RAD23B: variants seen among roughly 807,000 people sequenced by gnomAD.
RAD23B encodes the protein lysine-specific demethylase RAD23B.
A neutral mutation model predicts 49.1 loss-of-function variants in RAD23B; 5 were observed. That is an observed-to-expected ratio of 0.10 (90% CI 0.05 to 0.21). The LOEUF (loss-of-function observed/expected upper bound fraction) is 0.21. Among genes scored for constraint, RAD23B ranks in the 10% least tolerant of loss-of-function variants. The pLI, the probability that RAD23B is intolerant of heterozygous loss-of-function variation, is 1.00. For missense variants in RAD23B, 356 were observed against 486.7 expected, an observed-to-expected ratio of 0.73 and a Z score of 2.53; for synonymous variants, 184 against 165.4, an observed-to-expected ratio of 1.11 and a Z score of -0.86.
intron 1 of RAD23B, among the ~76,000 whole-genome samples, chr9:107,298,295 C>T (rs1035547435): frequency 2.0e-5 from 3 of 151,792 alleles, no homozygotes; most frequent in South Asian, 2.1e-4. Flanking sequence ...TAACTTTTGT[C>T]GATATGCTTA....
chr9:107,329,488 T>C, intron 9 of RAD23B, 55 bp from the exon 10 acceptor site: 1 of 1,123,138 alleles, frequency 8.9e-7, no homozygotes, highest in Non-Finnish European at 1.3e-6. Flanking sequence ...GTAAATAAAA[T>C]TAAATGTGCC....
chr9:107,319,390 A>G (rs1182803582), intron 6 of RAD23B, among the ~76,000 whole-genome samples: 2 of 152,062 alleles, frequency 1.3e-5, no homozygotes, highest in Non-Finnish European at 2.9e-5. Context: ...TCAGCCTCCC[A>G]AAGTGCTGGG....
chr9:107,292,162 TATTC>T (rs142330969), intron 1 of RAD23B, among the ~76,000 whole-genome samples: 11,088 of 152,290 alleles, frequency 0.073, 574 homozygotes, highest in South Asian at 0.13. Flanking sequence ...TAGTTATAAA[TATTC>T]ATTTATATTG....
intron 6 of RAD23B, among the ~76,000 whole-genome samples, chr9:107,320,979 T>C (rs1827098882): frequency 6.6e-6 from 1 of 152,214 alleles, no homozygotes; most frequent in South Asian, 2.1e-4. Flanking sequence ...ATTGTAATAC[T>C]TGGTTCTTTA....
intron 3 of RAD23B, among the ~76,000 whole-genome samples, chr9:107,305,609 C>A (rs1344993219): frequency 6.6e-6 from 1 of 152,070 alleles, no homozygotes; most frequent in Non-Finnish European, 1.5e-5. Context: ...ATTTCCAGTT[C>A]AGAAAGTGCT....
chr9:107,313,605 A>ATT (rs368714241), intron 5 of RAD23B, among the ~76,000 whole-genome samples: 2 of 152,330 alleles, frequency 1.3e-5, no homozygotes, highest in African/African-American at 4.8e-5. Flanking sequence ...CAAAGTTTAA[A>ATT]TTATGGGAAT....
In RAD23B at chr9:107,311,727, G is replaced by T. The variant is rs779086806; in HGVS notation, c.543G>T (p.Thr181=). 3 of 1,568,764 alleles carry T rather than the reference G, an allele frequency of 1.9e-6. No individual in the cohort carries two copies. The highest frequency in any genetic ancestry group is 2.4e-5 in the East Asian group (1 of 42,536). Residue 181 remains threonine (T), a synonymous_variant, in exon 5 of 10, where the codon ACG becomes ACT. Coordinates refer to ENST00000358015, the MANE Select transcript of RAD23B (RefSeq NM_002874.5). Reference sequence around the variant, plus strand: ...GGTCAAACCTTTTTGAAGATGCAACGAGTGCACTTGGTAAGTATCTGCTTT... The same window carrying T: ...GGTCAAACCTTTTTGAAGATGCAACTAGTGCACTTGGTAAGTATCTGCTTT... ...SSRSNLFEDA[T]SALVTGQSYE...
At chr9:107,291,683 A>G (rs943668044) in intron 1 of RAD23B, among the ~76,000 whole-genome samples, 3 of 152,228 alleles carry the variant, frequency 2.0e-5, no homozygotes, top group Non-Finnish European at 4.4e-5. Flanking sequence ...TCCCCAGGAA[A>G]TACTCTGGTG....
chr9:107,286,643 A>T (rs776431349), intron 1 of RAD23B, among the ~76,000 whole-genome samples: 1 of 152,214 alleles, frequency 6.6e-6, no homozygotes, highest in Non-Finnish European at 1.5e-5. Flanking sequence ...TAGGGAGACC[A>T]TTGCTAGGAG....
chr9:107,315,911 T>C (rs1327199478), intron 5 of RAD23B, among the ~76,000 whole-genome samples: 1 of 152,184 alleles, frequency 6.6e-6, no homozygotes, highest in Non-Finnish European at 1.5e-5. Flanking sequence ...ATAATTTAAC[T>C]AGGAAACATG....
intron 6 of RAD23B, among the ~76,000 whole-genome samples, chr9:107,320,387 C>T (rs571022110): frequency 1.3e-5 from 2 of 152,180 alleles, no homozygotes; most frequent in South Asian, 4.2e-4. Context: ...ATAAGTTCAA[C>T]AGTATCAGTT....
At chr9:107,284,616 C>A (rs962319915) in intron 1 of RAD23B, 1 of 615,952 alleles carries the variant, frequency 1.6e-6, no homozygotes, top group Non-Finnish European at 2.2e-6. Context: ...GAGGTCAGTA[C>A]AACTTTATGC....
At position 107,318,721 on chromosome 9, in the gene RAD23B, C is replaced by T; in HGVS notation, c.554-31C>T. On this transcript the variant is annotated intron_variant, in intron 5 of 9. Coordinates refer to ENST00000358015, the MANE Select transcript of RAD23B (RefSeq NM_002874.5). The surrounding 1 kb of genome is among the most constrained non-coding windows in gnomAD (Gnocchi z 4.3). The stretch of plus-strand genomic sequence containing the variant: ...AGAGAATGCTTATTTATTAAATGTT[C>T]CTTTTTTTCCCCTCCACCCTCCCTT... 1.3e-6 allele frequency: 2 copies of T among 1,584,838 alleles called. No homozygotes were observed. Among genetic ancestry groups the T allele is most frequent in the South Asian group, 1.1e-5 (1 of 88,962 alleles).
rs1827288385 is a variant in RAD23B, at chr9:107,330,564, T to C, written c.*908T>C. 6.6e-6 allele frequency: 1 copy of C among 152,664 alleles called. No individual in the cohort carries two copies. The highest frequency in any genetic ancestry group is 2.1e-4 in the South Asian group (1 of 4,832). The allele number at this position is 152,664 out of a possible 1,614,324, so 9.5% of individuals were successfully genotyped here. A position where few individuals can be genotyped will look rare whatever the true frequency, so the allele number is the denominator to read the frequency against. The stretch of plus-strand genomic sequence containing the variant: ...CCCCTTCCCTCAGCAGAAACGTGTT[T>C]ATCAGCAAGTCGTGAGTCAAACTGC... On this transcript the variant is annotated 3_prime_UTR_variant, in exon 10 of 10. Transcript: ENST00000358015. This position sits in a 1 kb window ranked among gnomAD's most constrained non-coding sequence, Gnocchi z 4.4.
chr9:107,321,146 CA>C (rs1367541726), intron 6 of RAD23B, among the ~76,000 whole-genome samples: 1 of 152,134 alleles, frequency 6.6e-6, no homozygotes. Flanking sequence ...TATAAACTTA[CA>C]AAAGGCATCA....
At position 107,321,896 on chromosome 9, in the gene RAD23B, A is replaced by G. The variant is rs529555915; in HGVS notation, c.682-87A>G. On this transcript the variant is annotated intron_variant, in intron 6 of 9. Coordinates refer to ENST00000358015, the MANE Select transcript of RAD23B (RefSeq NM_002874.5). ...TTGATGCTTTTGAAAATCAAACAAG[A>G]TGTTAAATAGACTATAAATCTTTTA... is the stretch of plus-strand genomic sequence containing the variant. 7.7e-6 allele frequency: 10 copies of G among 1,290,576 alleles called. No individual in the cohort carries two copies. The East Asian group carries it at 1.7e-4, about 22-fold the overall frequency. 79.9% of individuals were successfully genotyped at this position (1,290,576 alleles called of 1,614,324 possible). A position where few individuals can be genotyped will look rare whatever the true frequency, so the allele number is the denominator to read the frequency against.
chr9:107,300,873 A>G (rs1826636868), intron 2 of RAD23B, among the ~76,000 whole-genome samples: 1 of 152,162 alleles, frequency 6.6e-6, no homozygotes, highest in African/African-American at 2.4e-5. Context: ...CTTTTTCTGA[A>G]TAGTGTTTCC....
At chr9:107,310,884 T>C (rs1288143026) in intron 4 of RAD23B, among the ~76,000 whole-genome samples, 1 of 152,214 alleles carries the variant, frequency 6.6e-6, no homozygotes, top group Non-Finnish European at 1.5e-5. Context: ...TTTCTGCTCT[T>C]ATTATGTACT....
chr9:107,326,659 A>T (rs1175813790), intron 9 of RAD23B, among the ~76,000 whole-genome samples: 1 of 99,966 alleles, frequency 1.0e-5, no homozygotes, highest in South Asian at 3.8e-4. Context: ...TTTGAGACAG[A>T]GTCTCGCTCT....
Sources: allele counts gnomAD v4.1 joint callset (sites outside exome capture counted in the v4.1 genomes callset), GRCh38; gene constraint gnomAD v4.1.1; non-coding constraint Gnocchi (gnomAD v3.1); transcripts MANE v1.5; gene names NCBI Gene and HGNC (gene_info 2026-07-23, HGNC 2026-07-21).